PCDH19: variants seen among roughly 807,000 people sequenced by gnomAD.
PCDH19 encodes the protein protocadherin-19.
PCDH19 carries 6 observed loss-of-function variants against 46.2 expected under a neutral mutation model. The ratio of observed to expected loss-of-function variants is 0.13; its 90% confidence interval spans 0.07 to 0.26. The LOEUF (loss-of-function observed/expected upper bound fraction) is 0.26. Ranked by LOEUF, PCDH19 falls within the 10% of genes least tolerant of loss-of-function variation. The pLI is 1.00. For synonymous variants in PCDH19, 481 were observed against 415.7 expected (o/e 1.16, Z -1.91); for missense variants, 740 against 972.3 (o/e 0.76, Z 3.18).
chrX:100,325,393 C>T (rs1395070370), intron 5 of PCDH19, among the ~76,000 whole-genome samples: 3 of 82,645 alleles, frequency 3.6e-5, no homozygotes, highest in East Asian at 9.2e-4. Flanking sequence ...TTTTTTGAGA[C>T]GGAGTCTCAC....
At chrX:100,335,441 A>G (rs1189450556) in intron 5 of PCDH19, among the ~76,000 whole-genome samples, 1 of 111,488 alleles carries the variant, frequency 9.0e-6, no homozygotes, top group Non-Finnish European at 1.9e-5. Context: ...ATTTTAAAAA[A>G]AAATGTTTAC....
At position 100,402,573 on chromosome X, in the gene PCDH19, T is replaced by C. The variant is rs1178718339; in HGVS notation, c.2567A>G (p.Gln856Arg). The change falls in exon 3 of 6, where the codon CAG (glutamine) becomes CGG (arginine). Residue 856 changes from glutamine (Q) to arginine (R), a missense_variant. Transcript: ENST00000373034. ...NHIYHHSFNSQGPQQPDLIIN... is the reference protein window; with the variant it reads ...NHIYHHSFNSRGPQQPDLIIN... Reference sequence around the variant, plus strand: ...AATCAGGTCAGGCTGCTGGGGCCCCTGGCTGTTGAAAGAGTGATGGTAGAT... The same window carrying C: ...AATCAGGTCAGGCTGCTGGGGCCCCCGGCTGTTGAAAGAGTGATGGTAGAT... 2.5e-6 allele frequency: 3 copies of C among 1,211,110 alleles called. No individual in the cohort carries two copies. The highest frequency in any genetic ancestry group is 3.4e-6 in the Non-Finnish European group (3 of 894,923).
intron 5 of PCDH19, among the ~76,000 whole-genome samples, chrX:100,321,229 T>C (rs1211979456): frequency 1.8e-5 from 2 of 112,038 alleles, no homozygotes; most frequent in Non-Finnish European, 3.8e-5. Flanking sequence ...GCTATAAACA[T>C]GTGTGTGCAA....
rs971097006 is a variant in PCDH19 at position 100,410,158 on chromosome X, A to G, written c.-1561T>C. 6 of 295,239 alleles carry G rather than the reference A, an allele frequency of 2.0e-5. No individual in the cohort carries two copies. Among genetic ancestry groups the G allele is most frequent in the African/African-American group, 1.7e-4 (6 of 36,258 alleles). The allele number at this position is 295,239 out of a possible 1,213,427, so 24.3% of individuals were successfully genotyped here. ...CGCGGGTGCCAGTGCCTCCCGGGCA[A>G]GCCAGGCATGGTGCACGGGAGCTGT... On this transcript the variant is annotated 5_prime_UTR_variant, in exon 1 of 6. Transcript: ENST00000373034.
At chrX:100,374,810 G>A (rs760435987) in intron 3 of PCDH19, among the ~76,000 whole-genome samples, 4 of 110,713 alleles carry the variant, frequency 3.6e-5, no homozygotes, top group Non-Finnish European at 7.6e-5. Context: ...ATGGTGGTGG[G>A]CGCCTGTAGT....
Position 100,292,892 on chromosome X carries a change from TG to T in PCDH19, c.*3384del, listed in dbSNP as rs1229278312. ...TTTGGGGGAACATTCAACATCAAAA[TG>T]ATCCCCAGAAAGTGGATTGGAATTC... On this transcript the variant is annotated 3_prime_UTR_variant, in exon 6 of 6. Coordinates refer to ENST00000373034, the MANE Select transcript of PCDH19 (RefSeq NM_001184880.2). The T allele has an allele frequency of 1.8e-5, 2 of 111,658 alleles. No individual in the cohort carries two copies. Among genetic ancestry groups the T allele is most frequent in the Non-Finnish European group, 3.8e-5 (2 of 53,131 alleles). 9.2% of individuals were successfully genotyped at this position (111,658 alleles called of 1,213,427 possible).
chrX:100,386,886 G>C (rs1927729023), intron 3 of PCDH19, among the ~76,000 whole-genome samples: 1 of 111,804 alleles, frequency 8.9e-6, no homozygotes, highest in South Asian at 3.7e-4. Flanking sequence ...GCACATATAA[G>C]AAATATATAG....
At chrX:100,328,651 G>A (rs899591433) in intron 5 of PCDH19, among the ~76,000 whole-genome samples, 1 of 111,501 alleles carries the variant, frequency 9.0e-6, no homozygotes, top group Non-Finnish European at 1.9e-5. Flanking sequence ...AAAACATAAC[G>A]GTGGTAGAAA....
chrX:100,379,793 C>T (rs758496767), intron 3 of PCDH19, among the ~76,000 whole-genome samples: 30 of 111,756 alleles, frequency 2.7e-4, no homozygotes, highest in Non-Finnish European at 5.3e-4. Flanking sequence ...TAAATATTGC[C>T]TTGACAGTAC....
At chrX:100,404,117 A>G (rs1304842869) in intron 1 of PCDH19, among the ~76,000 whole-genome samples, 1 of 112,026 alleles carries the variant, frequency 8.9e-6, no homozygotes, top group Admixed American at 9.5e-5. Context: ...GAGGCTTAGA[A>G]AAAGAAACCT....
intron 5 of PCDH19, among the ~76,000 whole-genome samples, chrX:100,334,297 T>A (rs181171946): frequency 8.9e-6 from 1 of 111,738 alleles, no homozygotes; most frequent in Non-Finnish European, 1.9e-5. Context: ...TAAAAGCTAT[T>A]ACCACAAAGA....
At chrX:100,328,529 G>A (rs1307892536) in intron 5 of PCDH19, among the ~76,000 whole-genome samples, 1 of 111,424 alleles carries the variant, frequency 9.0e-6, no homozygotes. Flanking sequence ...AGGAAGCAAA[G>A]CACACATCTA....
intron 5 of PCDH19, among the ~76,000 whole-genome samples, chrX:100,316,119 T>C (rs913491935): frequency 9.8e-5 from 11 of 112,064 alleles, no homozygotes; most frequent in Non-Finnish European, 2.1e-4. Flanking sequence ...CAGTAATTTA[T>C]TGAATTTTCC....
intron 3 of PCDH19, among the ~76,000 whole-genome samples, chrX:100,400,886 T>C (rs147326071): frequency 0.051 from 5,738 of 111,559 alleles, 356 homozygotes; most frequent in African/African-American, 0.18. Context: ...TATGTCAGGC[T>C]GAATTACTTT....
intron 3 of PCDH19, among the ~76,000 whole-genome samples, chrX:100,393,559 G>A (rs1438627097): frequency 1.9e-5 from 2 of 107,915 alleles, no homozygotes; most frequent in Non-Finnish European, 3.8e-5. Context: ...GAGGGATCTG[G>A]CCTTTGGATT....
intron 5 of PCDH19, among the ~76,000 whole-genome samples, chrX:100,325,699 A>T (rs779455508): frequency 8.9e-6 from 1 of 112,591 alleles, no homozygotes; most frequent in East Asian, 2.8e-4. Context: ...TTTTGTATAT[A>T]GCACGTGGAT....
intron 3 of PCDH19, among the ~76,000 whole-genome samples, chrX:100,396,934 C>T (rs1216222978): frequency 8.9e-6 from 1 of 112,093 alleles, no homozygotes; most frequent in East Asian, 2.8e-4. Context: ...ACTTTTGACC[C>T]TTAGGGATAG....
chrX:100,406,377 C>T (rs1272045352), intron 1 of PCDH19, 74 bp downstream of exon 1: 10 of 845,719 alleles, frequency 1.2e-5, no homozygotes, highest in Non-Finnish European at 1.6e-5. Context: ...AACAAAAGCA[C>T]CAGGATTTTC....
Position 100,296,796 on chromosome X carries a change from G to A in PCDH19, c.2928C>T (p.Pro976=). 2.5e-6 allele frequency: 3 copies of A among 1,211,327 alleles called. No homozygotes were observed. Among genetic ancestry groups the A allele is most frequent in the Non-Finnish European group, 3.4e-6 (3 of 895,131 alleles). ...HSDRCWMPRN[P]MPIRSKSPEH... is the part of the protein sequence containing the mutation. The stretch of plus-strand genomic sequence containing the variant: ...CAGGGGACTTGGAACGGATGGGCAT[G>A]GGGTTCCGGGGCATCCAGCACCTGT... Residue 976 remains proline, a synonymous_variant, in exon 6 of 6, where the codon CCC becomes CCT. Transcript: ENST00000373034.
Sources: gnomAD v4.1 joint callset for allele counts (sites outside exome capture counted in the v4.1 genomes callset) on GRCh38, gnomAD v4.1.1 for gene constraint, MANE v1.5 for transcripts, NCBI Gene and HGNC (gene_info 2026-07-23, HGNC 2026-07-21) for gene names.